The following CUX1 variants were observed in gnomAD, a reference collection of about 807,000 sequenced individuals.
The protein encoded by CUX1 is cut like homeobox 1.
A neutral mutation model predicts 158.8 loss-of-function variants in CUX1; 31 were observed. The ratio of observed to expected loss-of-function variants is 0.20; its 90% confidence interval spans 0.15 to 0.26. The LOEUF is 0.26. Ranked by LOEUF, CUX1 falls within the 10% of genes least tolerant of loss-of-function variation. The pLI, the probability that CUX1 is intolerant of heterozygous loss-of-function variation, is 1.00. For missense variants in CUX1, 1,589 were observed against 2,014.6 expected (o/e 0.79, Z 4.04); for synonymous variants, 879 against 862.1 (o/e 1.02, Z -0.34).
At chr7:101,854,260 G>C (rs1796564011) in intron 1 of CUX1, among the ~76,000 whole-genome samples, 1 of 152,196 alleles carries the variant, frequency 6.6e-6, no homozygotes, top group African/African-American at 2.4e-5. Context: ...GTCTTTCAAA[G>C]TCATCTTTTG....
intron 7 of CUX1, among the ~76,000 whole-genome samples, chr7:102,113,925 A>G (rs1831196677): frequency 6.6e-6 from 1 of 152,158 alleles, no homozygotes; most frequent in Admixed American, 6.5e-5. Context: ...TTATTGAAAC[A>G]TCCAGTGTTG....
intron 7 of CUX1, among the ~76,000 whole-genome samples, chr7:102,114,033 T>C (rs1434435543): frequency 6.6e-6 from 1 of 152,162 alleles, no homozygotes; most frequent in Non-Finnish European, 1.5e-5. Flanking sequence ...GTGCCCAAGC[T>C]GTTCAGCCAG....
At chr7:102,264,105 A>C (rs1790627248) in intron 14 of CUX1, among the ~76,000 whole-genome samples, 1 of 149,110 alleles carries the variant, frequency 6.7e-6, no homozygotes, top group Non-Finnish European at 1.5e-5. Context: ...TCCCAGGTTC[A>C]AGTGATTCTC....
At chr7:102,216,511 C>T (rs797036294) in intron 20 of CUX1, among the ~76,000 whole-genome samples, 16 of 87,060 alleles carry the variant, frequency 1.8e-4, no homozygotes, top group East Asian at 7.1e-4. Context: ...TGCGTGTGTG[C>T]GCGCACACAC....
chr7:101,984,114 AT>A (rs1813915126), intron 2 of CUX1, among the ~76,000 whole-genome samples: 1 of 46,972 alleles, frequency 2.1e-5, no homozygotes, highest in Non-Finnish European at 5.0e-5. Context: ...ATATATATAT[AT>A]ATATATATAT....
rs1801782297 is a variant in CUX1, at chr7:102,253,819, G to A, written c.*4777G>A. ...CGGGGCATGAGCGGTGGGCGTGCTG[G>A]GCTATTTGCTGTGGTACTTTAGGCT... On this transcript the variant is annotated 3_prime_UTR_variant, in exon 24 of 24. Coordinates refer to ENST00000292535, the MANE Select transcript of CUX1 (RefSeq NM_181552.4). 2 of 985,516 alleles carry A rather than the reference G, an allele frequency of 2.0e-6. No individual in the cohort carries two copies. Among genetic ancestry groups the A allele is most frequent in the South Asian group, 4.7e-5 (1 of 21,292 alleles). 61.0% of individuals were successfully genotyped at this position (985,516 alleles called of 1,614,324 possible). A position where few individuals can be genotyped will look rare whatever the true frequency, so the allele number is the denominator to read the frequency against.
chr7:102,234,312 A>G, intron 22 of CUX1, 72 bp downstream of exon 22: 1 of 1,352,750 alleles, frequency 7.4e-7, no homozygotes. Context: ...CAAATCTTTC[A>G]CACACAGCTG....
intron 20 of CUX1, among the ~76,000 whole-genome samples, chr7:102,216,659 C>A (rs200144270): frequency 8.6e-5 from 5 of 58,142 alleles, no homozygotes; most frequent in Admixed American, 2.3e-4. Context: ...ACACACTCTC[C>A]CACACACACT....
At chr7:101,999,294 G>C (rs1366038103) in intron 2 of CUX1, among the ~76,000 whole-genome samples, 1 of 122,524 alleles carries the variant, frequency 8.2e-6, no homozygotes, top group Non-Finnish European at 1.6e-5. Context: ...GGACTCATGT[G>C]ATCCTCCTGC....
Position 101,875,842 on chromosome 7 carries a change from C to T in CUX1, c.31-40273C>T, listed in dbSNP as rs139601498. The stretch of plus-strand genomic sequence containing the variant: ...CTATTTAGCACTCTTTTTTTTTTTC[C>T]CAAAATGGAAATGACTTTCTCTCTG... On this transcript the variant is annotated intron_variant, in intron 1 of 23. Transcript: ENST00000292535. Among the ~76,000 whole-genome samples the T allele has an allele frequency of 6.9e-3, 1,045 of 150,378 alleles. 12 individuals carry two copies. The highest frequency in any genetic ancestry group is 0.024 in the African/African-American group (968 of 40,970).
intron 1 of CUX1, among the ~76,000 whole-genome samples, chr7:101,880,478 C>T (rs1799600299): frequency 6.6e-6 from 1 of 152,086 alleles, no homozygotes; most frequent in African/African-American, 2.4e-5. Context: ...ACGTTGGCTC[C>T]TGGCTGTATA....
intron 3 of CUX1, among the ~76,000 whole-genome samples, chr7:102,035,960 C>T (rs776147832): frequency 1.3e-5 from 2 of 152,160 alleles, no homozygotes; most frequent in Non-Finnish European, 2.9e-5. Flanking sequence ...CAACCTCCAC[C>T]TCCCGGATTC....
intron 1 of CUX1, among the ~76,000 whole-genome samples, chr7:101,818,628 T>C (rs78594760): frequency 0.026 from 3,937 of 152,316 alleles, 161 homozygotes; most frequent in African/African-American, 0.089. Flanking sequence ...GTCCCTTATT[T>C]GAACTTCATT....
intron 9 of CUX1, among the ~76,000 whole-genome samples, chr7:102,169,695 G>A (rs1791498443): frequency 6.6e-6 from 1 of 152,178 alleles, no homozygotes; most frequent in South Asian, 2.1e-4. Context: ...GCACTGGGGT[G>A]ACCTGTCCTC....
chr7:101,882,626 C>T (rs2131572677), intron 1 of CUX1, among the ~76,000 whole-genome samples: 1 of 152,352 alleles, frequency 6.6e-6, no homozygotes, highest in Admixed American at 6.5e-5. Flanking sequence ...GCCTGGTTCA[C>T]TCAGCAAGTG....
chr7:102,149,238 C>T (rs1554502896), intron 8 of CUX1, among the ~76,000 whole-genome samples: 2 of 152,180 alleles, frequency 1.3e-5, no homozygotes, highest in African/African-American at 2.4e-5. Context: ...AATCTGTACT[C>T]ATCCTCCAGG....
chr7:101,965,575 C>T (rs1351815558), intron 2 of CUX1, among the ~76,000 whole-genome samples: 2 of 151,952 alleles, frequency 1.3e-5, no homozygotes, highest in Non-Finnish European at 2.9e-5. Flanking sequence ...TGGCCAGGCG[C>T]GGTGGCTCAC....
At chr7:101,909,581 A>AT (rs1177212877) in intron 1 of CUX1, among the ~76,000 whole-genome samples, 2 of 152,176 alleles carry the variant, frequency 1.3e-5, no homozygotes, top group Non-Finnish European at 2.9e-5. Flanking sequence ...CAAGTGATCT[A>AT]TTTTTTTCAC....
intron 1 of CUX1, among the ~76,000 whole-genome samples, chr7:101,832,868 C>G (rs1006113382): frequency 1.3e-5 from 2 of 151,976 alleles, no homozygotes; most frequent in African/African-American, 4.8e-5. Context: ...TGCCTCTGGT[C>G]CCCATCTTAC....
Sources: allele counts gnomAD v4.1 joint callset (sites outside exome capture counted in the v4.1 genomes callset), GRCh38; gene constraint gnomAD v4.1.1; transcripts MANE v1.5; gene names NCBI Gene and HGNC (gene_info 2026-07-23, HGNC 2026-07-21).